MAGI1: variants seen among roughly 807,000 people sequenced by gnomAD.
MAGI1 encodes membrane associated guanylate kinase, WW and PDZ domain containing 1, also known as membrane-associated guanylate kinase, WW and PDZ domain-containing protein 1.
MAGI1 carries 58 observed loss-of-function variants against 139.9 expected under a neutral mutation model. That is an observed-to-expected ratio of 0.41 (90% CI 0.34 to 0.52). MAGI1 has a LOEUF of 0.52. MAGI1 is among the 20% of genes least tolerant of loss of function. MAGI1 has a pLI of 0.12. For missense variants in MAGI1, 1,874 were observed against 1,901.6 expected (o/e 0.99, Z 0.27); for synonymous variants, 812 against 737.9 (o/e 1.10, Z -1.63).
chr3:65,763,126 G>A (rs2037171559), intron 1 of MAGI1, among the ~76,000 whole-genome samples: 1 of 152,130 alleles, frequency 6.6e-6, no homozygotes, highest in Non-Finnish European at 1.5e-5. Flanking sequence ...CCATGTGCAA[G>A]TATCCTCCCT....
chr3:65,960,381 A>G (rs1218268406), intron 1 of MAGI1, among the ~76,000 whole-genome samples: 1 of 152,204 alleles, frequency 6.6e-6, no homozygotes, highest in Non-Finnish European at 1.5e-5. Context: ...TCATACAACC[A>G]AATCATAGTT....
At chr3:65,860,102 G>C (rs2059504782) in intron 1 of MAGI1, among the ~76,000 whole-genome samples, 1 of 151,944 alleles carries the variant, frequency 6.6e-6, no homozygotes, top group Non-Finnish European at 1.5e-5. Flanking sequence ...CTTCATGTTG[G>C]TCAGACTGGT....
At chr3:65,972,291 C>A (rs939639675) in intron 1 of MAGI1, among the ~76,000 whole-genome samples, 2 of 152,070 alleles carry the variant, frequency 1.3e-5, no homozygotes, top group Non-Finnish European at 2.9e-5. Context: ...TTAACTATTG[C>A]GAGAAAGGAG....
intron 12 of MAGI1, among the ~76,000 whole-genome samples, chr3:65,419,352 A>G (rs1176605009): frequency 1.3e-5 from 2 of 152,156 alleles, no homozygotes; most frequent in Non-Finnish European, 2.9e-5. Flanking sequence ...ATATTTCATA[A>G]AAAAGGACTT....
chr3:65,750,672 T>G (rs1376223124), intron 1 of MAGI1, among the ~76,000 whole-genome samples: 1 of 152,160 alleles, frequency 6.6e-6, no homozygotes, highest in Admixed American at 6.5e-5. Context: ...GTAAAATGCT[T>G]ACTTTGGAGT....
intron 1 of MAGI1, among the ~76,000 whole-genome samples, chr3:65,678,731 ATTT>A (rs1459394835): frequency 1.3e-5 from 2 of 152,040 alleles, no homozygotes; most frequent in African/African-American, 4.8e-5. Flanking sequence ...CTCTTTTCAA[ATTT>A]TGTCAGCCTG....
chr3:65,421,694 A>T (rs1946639583), intron 12 of MAGI1, among the ~76,000 whole-genome samples: 2 of 152,224 alleles, frequency 1.3e-5, no homozygotes, highest in Admixed American at 1.3e-4. Context: ...AAATAACATC[A>T]GTCTAGTATA....
chr3:65,625,590 C>T (rs1420324651), intron 1 of MAGI1, among the ~76,000 whole-genome samples: 1 of 152,090 alleles, frequency 6.6e-6, no homozygotes, highest in Non-Finnish European at 1.5e-5. Flanking sequence ...TGGGATGATA[C>T]ATTCAGACAG....
Position 65,379,387 on chromosome 3 carries a change from C to T in MAGI1, c.2869G>A (p.Gly957Arg), listed in dbSNP as rs1240372581. The T allele has an allele frequency of 1.2e-6, 2 of 1,612,552 alleles. No homozygotes were observed. Among genetic ancestry groups the T allele is most frequent in the Non-Finnish European group, 1.7e-6 (2 of 1,179,156 alleles). ...STSGIGSGGG[G>R]GSGVVSTVVQ... is the part of the protein sequence containing the mutation. The stretch of plus-strand genomic sequence containing the variant: ...ACGGTGCTGACCACGCCGCTGCCCC[C>T]GCCGCCGCCACTGCCGATGCCGCTG... The change falls in exon 17 of 23, where the codon GGG (glycine) becomes AGG (arginine). Residue 957 changes from glycine to arginine, a missense_variant. Transcript: ENST00000402939.
chr3:65,509,480 C>A (rs9842187), intron 2 of MAGI1, among the ~76,000 whole-genome samples: 1,697 of 152,310 alleles, frequency 0.011, 35 homozygotes, highest in African/African-American at 0.038. Context: ...GGGTGAGGCA[C>A]TGCCTCACTT....
At chr3:65,490,298 C>A (rs1217718888) in intron 3 of MAGI1, among the ~76,000 whole-genome samples, 2 of 152,182 alleles carry the variant, frequency 1.3e-5, no homozygotes, top group Non-Finnish European at 2.9e-5. Flanking sequence ...CCGGAGGGCA[C>A]ACAGCTCAAT....
At chr3:65,780,988 G>T (rs2108006267) in intron 1 of MAGI1, among the ~76,000 whole-genome samples, 1 of 152,298 alleles carries the variant, frequency 6.6e-6, no homozygotes, top group African/African-American at 2.4e-5. Flanking sequence ...GGGAGGCCAA[G>T]GCAGGCAGAC....
At chr3:65,531,899 A>C (rs1261522666) in intron 2 of MAGI1, among the ~76,000 whole-genome samples, 1 of 152,220 alleles carries the variant, frequency 6.6e-6, no homozygotes, top group Non-Finnish European at 1.5e-5. Flanking sequence ...TTCTCATTGT[A>C]AGTTTTCAAT....
intron 1 of MAGI1, among the ~76,000 whole-genome samples, chr3:65,808,175 C>G (rs111440729): frequency 0.17 from 25,422 of 151,836 alleles, 3,958 homozygotes; most frequent in African/African-American, 0.42. Flanking sequence ...AGTAGAGACA[C>G]GGTTTCTCCT....
chr3:65,913,452 A>T (rs1215843411), intron 1 of MAGI1, among the ~76,000 whole-genome samples: 1 of 152,156 alleles, frequency 6.6e-6, no homozygotes, highest in African/African-American at 2.4e-5. Flanking sequence ...TCTGACCTAA[A>T]TTTGGGAGAG....
At chr3:65,730,598 C>T (rs2034085663) in intron 1 of MAGI1, among the ~76,000 whole-genome samples, 1 of 152,120 alleles carries the variant, frequency 6.6e-6, no homozygotes, top group African/African-American at 2.4e-5. Flanking sequence ...TGATTCACGA[C>T]GTATGACCTG....
intron 22 of MAGI1, chr3:65,360,692 G>A: frequency 2.0e-6 from 2 of 987,352 alleles, no homozygotes; most frequent in Non-Finnish European, 2.4e-6. Flanking sequence ...GTTGGGGGAT[G>A]GAGAAGTGTT....
intron 1 of MAGI1, among the ~76,000 whole-genome samples, chr3:66,003,157 C>T (rs1057079826): frequency 2.0e-5 from 3 of 152,108 alleles, no homozygotes; most frequent in South Asian, 2.1e-4. Context: ...GCAGTTGGTG[C>T]AAAACTACAA....
intron 1 of MAGI1, among the ~76,000 whole-genome samples, chr3:65,837,411 A>G (rs2058663711): frequency 6.6e-6 from 1 of 152,202 alleles, no homozygotes; most frequent in South Asian, 2.1e-4. Context: ...TCCCAGAGAT[A>G]GGAGAGTTCC....
Sources: gnomAD v4.1 joint callset for allele counts (sites outside exome capture counted in the v4.1 genomes callset) on GRCh38, gnomAD v4.1.1 for gene constraint, MANE v1.5 for transcripts, NCBI Gene and HGNC (gene_info 2026-07-23, HGNC 2026-07-21) for gene names.